ABAT: variants seen among roughly 807,000 people sequenced by gnomAD.
The protein encoded by ABAT is 4-aminobutyrate aminotransferase, mitochondrial.
Under a neutral mutation model 64.6 loss-of-function variants are expected in ABAT, and 45 were observed. That is an observed-to-expected ratio of 0.70 (90% confidence interval 0.55 to 0.89). ABAT has a LOEUF of 0.89. ABAT is among the 40% of genes least tolerant of loss of function. The probability of loss-of-function intolerance (pLI) is 0.00; values close to 1 mark genes in which losing one functional copy is unlikely to be tolerated. For missense variants in ABAT, 633 were observed against 658.4 expected, an observed-to-expected ratio of 0.96 and a Z score of 0.42; for synonymous variants, 297 against 250.5, an observed-to-expected ratio of 1.19 and a Z score of -1.75.
intron 6 of ABAT, among the ~76,000 whole-genome samples, chr16:8,761,329 G>C (rs182390011): frequency 1.3e-5 from 2 of 151,616 alleles, no homozygotes; most frequent in African/African-American, 4.8e-5. Context: ...CCTCCAAACC[G>C]TCCACCAAAC....
intron 1 of ABAT, among the ~76,000 whole-genome samples, chr16:8,689,549 A>G (rs1027177442): frequency 2.6e-5 from 4 of 152,256 alleles, no homozygotes; most frequent in Non-Finnish European, 4.4e-5. Context: ...CTTAAAGTGT[A>G]TAGTCTTATA....
At chr16:8,740,251 C>G (rs1194241013) in intron 2 of ABAT, among the ~76,000 whole-genome samples, 1 of 152,164 alleles carries the variant, frequency 6.6e-6, no homozygotes, top group Non-Finnish European at 1.5e-5. Context: ...CCAGATTTAG[C>G]AGATTGGGAT....
chr16:8,676,009 G>T lies in ABAT; in HGVS notation c.-42+1298G>T, dbSNP rs143043090. 7.6e-4 allele frequency among the ~76,000 whole-genome samples: 113 copies of T among 149,498 alleles called. 1 individual carries two copies. Among genetic ancestry groups the T allele is most frequent in the Non-Finnish European group, 1.2e-3 (79 of 67,204 alleles). On this transcript the variant is annotated intron_variant, in intron 1 of 15. Transcript: ENST00000268251. ...TGGCTTTGCTGCTTTGATGAAGCTA[G>T]ACTAAGGGACAGGATGTTGGTGACC...
chr16:8,708,968 T>A (rs967931306), intron 1 of ABAT, among the ~76,000 whole-genome samples: 1 of 152,294 alleles, frequency 6.6e-6, no homozygotes, highest in Non-Finnish European at 1.5e-5. Context: ...CATTTGCCAA[T>A]GAGTCACGCC....
At chr16:8,770,056 A>G (rs2060059023) in intron 11 of ABAT, among the ~76,000 whole-genome samples, 1 of 152,154 alleles carries the variant, frequency 6.6e-6, no homozygotes, top group African/African-American at 2.4e-5. Flanking sequence ...CACATATGTA[A>G]TTATAGCTTT....
At chr16:8,738,699 C>T (rs2059067239) in intron 2 of ABAT, among the ~76,000 whole-genome samples, 1 of 146,528 alleles carries the variant, frequency 6.8e-6, no homozygotes, top group Non-Finnish European at 1.5e-5. Context: ...TGGAGTGGTG[C>T]CGTGGTGCAA....
chr16:8,681,319 T>G (rs924168406), intron 1 of ABAT, among the ~76,000 whole-genome samples: 1 of 151,580 alleles, frequency 6.6e-6, no homozygotes, highest in African/African-American at 2.4e-5. Flanking sequence ...TAAATGTTTC[T>G]TTGTGTCACT....
intron 5 of ABAT, among the ~76,000 whole-genome samples, chr16:8,757,011 C>T (rs1236806323): frequency 2.0e-5 from 3 of 152,160 alleles, no homozygotes; most frequent in Admixed American, 6.5e-5. Context: ...GGCATCACTA[C>T]TCGCTCAGTC....
intron 5 of ABAT, among the ~76,000 whole-genome samples, chr16:8,752,142 C>T (rs1441809636): frequency 6.6e-6 from 1 of 152,238 alleles, no homozygotes; most frequent in Non-Finnish European, 1.5e-5. Flanking sequence ...TCTTCCCCTG[C>T]TCATTTCCTC....
chr16:8,706,766 A>G (rs533760586), intron 1 of ABAT, among the ~76,000 whole-genome samples: 124 of 152,348 alleles, frequency 8.1e-4, no homozygotes, highest in African/African-American at 2.7e-3. Context: ...TGATGAGTGG[A>G]AAGAATTACG....
At chr16:8,700,354 T>G (rs538441966) in intron 1 of ABAT, among the ~76,000 whole-genome samples, 2 of 152,306 alleles carry the variant, frequency 1.3e-5, no homozygotes, top group East Asian at 1.9e-4. Context: ...CAAAGTGCAC[T>G]AAACTTACAT....
intron 1 of ABAT, among the ~76,000 whole-genome samples, chr16:8,707,241 C>T (rs140117130): frequency 1.6e-3 from 237 of 152,026 alleles, no homozygotes; most frequent in African/African-American, 5.4e-3. Flanking sequence ...GGCTTGAGTA[C>T]AGTGGTGCAA....
chr16:8,771,446 G>A (rs1016054428), intron 11 of ABAT, among the ~76,000 whole-genome samples: 6 of 143,838 alleles, frequency 4.2e-5, no homozygotes, highest in East Asian at 4.1e-4. Flanking sequence ...CTATCTAGGT[G>A]TACGGTTTAG....
chr16:8,763,921 C>T (rs1486668545), intron 6 of ABAT, 148 bp from the exon 7 acceptor site: 19 of 718,460 alleles, frequency 2.6e-5, no homozygotes, highest in East Asian at 1.9e-4. Flanking sequence ...TTAAGGAAAC[C>T]GGCCATGCCC....
At chr16:8,709,308 T>C (rs944185670) in intron 1 of ABAT, among the ~76,000 whole-genome samples, 1 of 152,134 alleles carries the variant, frequency 6.6e-6, no homozygotes, top group African/African-American at 2.4e-5. Flanking sequence ...TCTTTTTTGA[T>C]GTGACCACTA....
At chr16:8,734,543 A>G (rs1324481278) in intron 1 of ABAT, among the ~76,000 whole-genome samples, 1 of 152,174 alleles carries the variant, frequency 6.6e-6, no homozygotes, top group African/African-American at 2.4e-5. Context: ...CCTCCTCTGT[A>G]AAAAGACCAT....
At chr16:8,724,920 C>CT (rs562546446) in intron 1 of ABAT, among the ~76,000 whole-genome samples, 1,964 of 46,244 alleles carry the variant, frequency 0.042, 31 homozygotes, top group Non-Finnish European at 0.047. Context: ...TCTCTTTTTT[C>CT]TTTTTTTTTT....
chr16:8,779,143 G>A (rs1206633786), intron 14 of ABAT, among the ~76,000 whole-genome samples: 2 of 152,158 alleles, frequency 1.3e-5, no homozygotes, highest in East Asian at 3.9e-4. Flanking sequence ...GGCCCCAGTG[G>A]GGTCAACAGC....
intron 1 of ABAT, among the ~76,000 whole-genome samples, chr16:8,699,557 C>G (rs1467940307): frequency 2.0e-5 from 3 of 150,658 alleles, no homozygotes; most frequent in African/African-American, 7.3e-5. Flanking sequence ...GACTCCGTCT[C>G]AAAAACAATA....
Sources: gnomAD v4.1 joint callset for allele counts (sites outside exome capture counted in the v4.1 genomes callset) on GRCh38, gnomAD v4.1.1 for gene constraint, MANE v1.5 for transcripts, NCBI Gene and HGNC (gene_info 2026-07-23, HGNC 2026-07-21) for gene names.